The following AFAP1L2 variants were observed in gnomAD, a reference collection of about 807,000 sequenced individuals.
AFAP1L2 encodes the protein actin filament-associated protein 1-like 2.
A neutral mutation model predicts 99.3 loss-of-function variants in AFAP1L2; 46 were observed. The ratio of observed to expected loss-of-function variants is 0.46; its 90% CI spans 0.37 to 0.59. The LOEUF (loss-of-function observed/expected upper bound fraction) is 0.59. Among genes scored for constraint, AFAP1L2 ranks in the 20% least tolerant of loss-of-function variants. The pLI is 0.00. For missense variants in AFAP1L2, 959 were observed against 1,034.9 expected (o/e 0.93, Z 1.01); for synonymous variants, 397 against 419.1 (o/e 0.95, Z 0.64).
the AFAP1L2 span, chr10:114,281,648 C>G: frequency 1.3e-6 from 1 of 772,174 alleles, no homozygotes; most frequent in African/African-American, 1.9e-5. Context: ...CCTGCAGAGC[C>G]TCGTGTGGAC....
intron 1 of AFAP1L2, among the ~76,000 whole-genome samples, chr10:114,364,805 C>T (rs1033962142): frequency 2.6e-5 from 4 of 152,132 alleles, no homozygotes; most frequent in Admixed American, 6.5e-5. Context: ...CCTCCACTAC[C>T]GGGGGCTGAG....
At chr10:114,394,554 A>G (rs2057490484) in intron 1 of AFAP1L2, among the ~76,000 whole-genome samples, 1 of 152,070 alleles carries the variant, frequency 6.6e-6, no homozygotes, top group Non-Finnish European at 1.5e-5. Flanking sequence ...ACCTGAATGG[A>G]AGTGGTAGAA....
intron 2 of AFAP1L2, among the ~76,000 whole-genome samples, chr10:114,337,397 T>C (rs1303147535): frequency 6.6e-6 from 1 of 152,244 alleles, no homozygotes; most frequent in South Asian, 2.1e-4. Flanking sequence ...GTACCTACTC[T>C]GCAGTCTAAG....
At chr10:114,297,952 T>A (rs958921785) in intron 16 of AFAP1L2, among the ~76,000 whole-genome samples, 1 of 152,154 alleles carries the variant, frequency 6.6e-6, no homozygotes, top group African/African-American at 2.4e-5. Context: ...GTATCACATA[T>A]GTACCACATA....
intron 1 of AFAP1L2, among the ~76,000 whole-genome samples, chr10:114,346,400 G>A (rs559108305): frequency 5.3e-5 from 8 of 152,152 alleles, no homozygotes; most frequent in East Asian, 1.9e-4. Context: ...TTGGGTGTCC[G>A]ACAAGGTGCT....
intron 3 of AFAP1L2, among the ~76,000 whole-genome samples, chr10:114,332,452 C>T (rs1564896749): frequency 6.6e-6 from 1 of 152,214 alleles, no homozygotes; most frequent in African/African-American, 2.4e-5. Context: ...AGCCCTGGGA[C>T]AGACAGGCTC....
intron 10 of AFAP1L2, among the ~76,000 whole-genome samples, chr10:114,305,786 A>G (rs1367837468): frequency 1.8e-4 from 17 of 94,954 alleles, no homozygotes; most frequent in Non-Finnish European, 1.9e-4. Flanking sequence ...GCAGGAGGGG[A>G]CGCAGATGCA....
chr10:114,368,891 A>T (rs933668381), intron 1 of AFAP1L2, among the ~76,000 whole-genome samples: 5 of 151,988 alleles, frequency 3.3e-5, no homozygotes, highest in Non-Finnish European at 7.3e-5. Context: ...CATGTATATC[A>T]AATTTTCACA....
chr10:114,316,411 C>G (rs1206241351), intron 5 of AFAP1L2, among the ~76,000 whole-genome samples: 1 of 152,210 alleles, frequency 6.6e-6, no homozygotes, highest in Non-Finnish European at 1.5e-5. Flanking sequence ...CCCAAATACC[C>G]TCTCCCAGTC....
Position 114,329,046 on chromosome 10 carries a change from C to T in AFAP1L2, c.315+2757G>A, listed in dbSNP as rs148055534. On this transcript the variant is annotated intron_variant, in intron 4 of 18. Transcript: ENST00000304129. Reference sequence around the variant, plus strand: ...CAAGTCAGCTGGCTTTGCTAGAAGTCTCCCTGGGGCCTGGAAGCTGTCCAC... The same window carrying T: ...CAAGTCAGCTGGCTTTGCTAGAAGTTTCCCTGGGGCCTGGAAGCTGTCCAC... 5.2e-3 allele frequency among the ~76,000 whole-genome samples: 791 copies of T among 152,340 alleles called. 10 individuals carry two copies. Among genetic ancestry groups the T allele is most frequent in the African/African-American group, 0.018 (759 of 41,586 alleles).
chr10:114,331,256 A>G (rs2047191099), intron 4 of AFAP1L2, among the ~76,000 whole-genome samples: 1 of 152,188 alleles, frequency 6.6e-6, no homozygotes, highest in African/African-American at 2.4e-5. Flanking sequence ...CTCCAGAACA[A>G]TGTAGGGGAA....
In AFAP1L2 at chr10:114,359,722, G is replaced by C. The variant is rs115055842; in HGVS notation, c.17-18991C>G. 6.6e-3 allele frequency among the ~76,000 whole-genome samples: 1,010 copies of C among 152,324 alleles called. 15 individuals are homozygous for C. Among genetic ancestry groups the C allele is most frequent in the African/African-American group, 0.023 (939 of 41,572 alleles). ...AAACCCAGATAGTTCTTGGTACACT[G>C]TAATAGTATATCCTATCCATCATCT... On this transcript the variant is annotated intron_variant, in intron 1 of 18. Coordinates refer to ENST00000304129, the MANE Select transcript of AFAP1L2 (RefSeq NM_001001936.3).
Position 114,377,104 on chromosome 10 carries a change from A to G in AFAP1L2, c.16+27336T>C, listed in dbSNP as rs2054911938. Among the ~76,000 whole-genome samples, 1 of 152,222 alleles carries G rather than the reference A, an allele frequency of 6.6e-6. No homozygotes were observed. The highest frequency in any genetic ancestry group is 2.1e-4 in the South Asian group (1 of 4,832). On this transcript the variant is annotated intron_variant, in intron 1 of 18. Coordinates refer to ENST00000304129, the MANE Select transcript of AFAP1L2 (RefSeq NM_001001936.3). This position sits in a 1 kb window ranked among gnomAD's most constrained non-coding sequence, Gnocchi z 4.0. Reference sequence around the variant, plus strand: ...ACATGTGAAACATCTCCTTTGGTCCATGGTTTACTAATTCACACTCACCCA... The same window carrying G: ...ACATGTGAAACATCTCCTTTGGTCCGTGGTTTACTAATTCACACTCACCCA...
intron 18 of AFAP1L2, 154 bp from the exon 19 acceptor site, chr10:114,296,222 C>T: frequency 1.0e-6 from 1 of 988,212 alleles, no homozygotes; most frequent in Non-Finnish European, 1.6e-6. Context: ...TTCATCACTG[C>T]TTAGAGTGCC....
intron 1 of AFAP1L2, among the ~76,000 whole-genome samples, chr10:114,367,261 C>T (rs1365619933): frequency 1.3e-5 from 2 of 152,162 alleles, no homozygotes; most frequent in African/African-American, 4.8e-5. Context: ...CTGTCTATAC[C>T]AGGGCAAAAC....
the AFAP1L2 span, among the ~76,000 whole-genome samples, chr10:114,283,749 G>A: frequency 6.6e-6 from 1 of 152,244 alleles, no homozygotes; most frequent in African/African-American, 2.4e-5. Context: ...GCACATAATA[G>A]ATGCTCAGTT....
rs1269035881 is a variant in AFAP1L2, at chr10:114,305,135, ATGCAGGAGGGGACTGGGC to A, written c.1073-223_1073-206del. 3.8e-4 allele frequency: 136 copies of A among 359,080 alleles called. No individual in the cohort carries two copies. In the African/African-American group the frequency reaches 4.0e-3, roughly 11 times the overall value. 22.2% of individuals were successfully genotyped at this position (359,080 alleles called of 1,614,324 possible). ...GACCGGGCTGCAGGAGGGGACGCAG[ATGCAGGAGGGGACTGGGC>A]TGCAGGAGGGGACTGGGCTGCAGGA... On this transcript the variant is annotated intron_variant, in intron 10 of 18. Transcript: ENST00000304129.
intron 7 of AFAP1L2, 38 bp from the exon 8 acceptor site, chr10:114,310,481 C>A: frequency 6.3e-7 from 1 of 1,591,324 alleles, no homozygotes; most frequent in Non-Finnish European, 8.6e-7. Flanking sequence ...AGGCTGAGGT[C>A]CTCTGGCCAG....
chr10:114,310,174 G>T (rs1460822096), intron 8 of AFAP1L2, among the ~76,000 whole-genome samples, 180 bp downstream of exon 8: 5 of 152,172 alleles, frequency 3.3e-5, no homozygotes, highest in Admixed American at 1.3e-4. Flanking sequence ...TGATCCACCT[G>T]CCTCAGCCTC....
Sources: allele counts gnomAD v4.1 joint callset (sites outside exome capture counted in the v4.1 genomes callset), GRCh38; gene constraint gnomAD v4.1.1; non-coding constraint Gnocchi (gnomAD v3.1); transcripts MANE v1.5; gene names NCBI Gene and HGNC (gene_info 2026-07-23, HGNC 2026-07-21).